Variants in BBX observed in about 807,000 individuals in gnomAD.
The protein encoded by BBX is BBX high mobility group box domain containing.
BBX carries 30 observed loss-of-function variants against 100.2 expected under a neutral mutation model. The observed-to-expected ratio is 0.30, with a 90% CI of 0.22 to 0.41. The LOEUF (loss-of-function observed/expected upper bound fraction) is 0.41. BBX is among the 10% of genes least tolerant of loss of function. The pLI, the probability that BBX is intolerant of heterozygous loss-of-function variation, is 1.00. For missense variants in BBX, 1,023 were observed against 1,129.8 expected (o/e 0.91, Z 1.35); for synonymous variants, 376 against 388.1 (o/e 0.97, Z 0.37).
rs200267232 is a variant in BBX at position 107,628,385 on chromosome 3, TG to T, written c.-83-17450del. On this transcript the variant is annotated intron_variant, in intron 2 of 17. Transcript: ENST00000325805. ...CAAGAGTTTGCTTTTTTTATTGAAATGAAAAAAAAACATATTACCCAATTTT... is the reference window on the plus strand; with the variant it reads ...CAAGAGTTTGCTTTTTTTATTGAAATAAAAAAAAACATATTACCCAATTTT... 1.7e-4 allele frequency among the ~76,000 whole-genome samples: 26 copies of T among 151,300 alleles called. No homozygotes were observed. In the East Asian group the frequency reaches 4.8e-3, roughly 28 times the overall value.
At chr3:107,593,095 C>T (rs1302227205) in intron 2 of BBX, among the ~76,000 whole-genome samples, 3 of 152,164 alleles carry the variant, frequency 2.0e-5, no homozygotes, top group Non-Finnish European at 2.9e-5. Context: ...CAAGGATTGT[C>T]TGCATTTGGC....
At chr3:107,558,110 G>T (rs1185024777) in intron 2 of BBX, among the ~76,000 whole-genome samples, 1 of 152,234 alleles carries the variant, frequency 6.6e-6, no homozygotes, top group African/African-American at 2.4e-5. Context: ...AGGCAAAGAT[G>T]TGGGTTCTGC....
At chr3:107,638,107 A>G (rs2107754292) in intron 2 of BBX, among the ~76,000 whole-genome samples, 1 of 152,294 alleles carries the variant, frequency 6.6e-6, no homozygotes, top group East Asian at 1.9e-4. Flanking sequence ...CTGTACAGGC[A>G]GGTCTCACTG....
At chr3:107,580,773 A>G (rs1354620235) in intron 2 of BBX, among the ~76,000 whole-genome samples, 4 of 152,178 alleles carry the variant, frequency 2.6e-5, no homozygotes, top group Non-Finnish European at 4.4e-5. Context: ...CTGGGATTAC[A>G]GGCATGCACC....
intron 3 of BBX, among the ~76,000 whole-genome samples, chr3:107,664,488 G>A (rs988098533): frequency 1.3e-5 from 2 of 152,164 alleles, no homozygotes; most frequent in African/African-American, 4.8e-5. Context: ...TAGTTTGCCT[G>A]TAAACATCAT....
Position 107,673,799 on chromosome 3 carries a change from A to G in BBX, c.-10+27890A>G, listed in dbSNP as rs75380840. Among the ~76,000 whole-genome samples the G allele has an allele frequency of 7.0e-3, 1,070 of 152,276 alleles. 12 individuals are homozygous for G. Among genetic ancestry groups the G allele is most frequent in the African/African-American group, 0.025 (1,020 of 41,560 alleles). ...TACTACATGTAGAACTATTTTTAAA[A>G]TAAAGAAGCCCACTTGTTAGAAATA... On this transcript the variant is annotated intron_variant, in intron 3 of 17. Transcript: ENST00000325805.
chr3:107,558,850 A>G lies in BBX; in HGVS notation c.-84+32452A>G, dbSNP rs2050272240. On this transcript the variant is annotated intron_variant, in intron 2 of 17. Coordinates refer to ENST00000325805, the MANE Select transcript of BBX (RefSeq NM_001142568.3). ...CAGTAGTCAGAACAACAGTAGCAATAATAGCAGGGGCATAACTGAACAAGG... is the reference window on the plus strand; with the variant it reads ...CAGTAGTCAGAACAACAGTAGCAATGATAGCAGGGGCATAACTGAACAAGG... Among the ~76,000 whole-genome samples, 4 of 152,242 alleles carry G rather than the reference A, an allele frequency of 2.6e-5. No homozygotes were observed. The South Asian group carries it at 8.3e-4, about 32-fold the overall frequency.
intron 2 of BBX, among the ~76,000 whole-genome samples, chr3:107,559,800 T>C (rs140307362): frequency 6.6e-5 from 10 of 152,290 alleles, no homozygotes; most frequent in Non-Finnish European, 1.2e-4. Context: ...TGGAGTGAAG[T>C]GGTATGATCT....
chr3:107,754,522 C>T (rs1274055144), intron 9 of BBX, among the ~76,000 whole-genome samples: 3 of 152,086 alleles, frequency 2.0e-5, no homozygotes, highest in African/African-American at 7.2e-5. Flanking sequence ...CTAGGTAGGC[C>T]ATTATTAAAT....
chr3:107,537,880 A>G (rs1418516006), intron 2 of BBX, among the ~76,000 whole-genome samples: 1 of 152,250 alleles, frequency 6.6e-6, no homozygotes, highest in African/African-American at 2.4e-5. Flanking sequence ...AAATACATTC[A>G]TATGTGAAAT....
At chr3:107,765,059 C>T (rs1019437429) in intron 10 of BBX, among the ~76,000 whole-genome samples, 1 of 152,254 alleles carries the variant, frequency 6.6e-6, no homozygotes, top group Non-Finnish European at 1.5e-5. Flanking sequence ...AATATTTTTC[C>T]TCCAATGATA....
At chr3:107,603,795 A>G (rs2054236026) in intron 2 of BBX, among the ~76,000 whole-genome samples, 1 of 152,222 alleles carries the variant, frequency 6.6e-6, no homozygotes, top group East Asian at 1.9e-4. Flanking sequence ...AAAGGGTATG[A>G]CTCACTGATG....
chr3:107,607,459 G>T (rs1327738846), intron 2 of BBX, among the ~76,000 whole-genome samples: 1 of 152,146 alleles, frequency 6.6e-6, no homozygotes, highest in Non-Finnish European at 1.5e-5. Context: ...TTCATCTGTT[G>T]ATGGACACTT....
intron 10 of BBX, among the ~76,000 whole-genome samples, chr3:107,766,893 A>G (rs1488090005): frequency 6.6e-6 from 1 of 152,230 alleles, no homozygotes; most frequent in African/African-American, 2.4e-5. Context: ...GAATGAGTTC[A>G]TGTCCTTTGC....
intron 2 of BBX, among the ~76,000 whole-genome samples, chr3:107,600,229 A>G (rs1375892631): frequency 6.6e-6 from 1 of 152,242 alleles, no homozygotes; most frequent in South Asian, 2.1e-4. Context: ...GTAGTCAGAG[A>G]AAAGTATTAA....
At chr3:107,704,814 A>G (rs892689955) in intron 3 of BBX, among the ~76,000 whole-genome samples, 1 of 152,164 alleles carries the variant, frequency 6.6e-6, no homozygotes, top group African/African-American at 2.4e-5. Context: ...AAACACTATG[A>G]TAAGTGCTTG....
At chr3:107,731,743 T>G (rs2063329103) in intron 6 of BBX, among the ~76,000 whole-genome samples, 1 of 151,966 alleles carries the variant, frequency 6.6e-6, no homozygotes, top group Non-Finnish European at 1.5e-5. Flanking sequence ...TAACATATAG[T>G]CAAAGTTGCT....
At chr3:107,612,297 C>T (rs2054899329) in intron 2 of BBX, among the ~76,000 whole-genome samples, 1 of 152,022 alleles carries the variant, frequency 6.6e-6, no homozygotes, top group South Asian at 2.1e-4. Flanking sequence ...TGTGGATGTT[C>T]ATTGGTGTTT....
chr3:107,548,323 C>G (rs1576261205), intron 2 of BBX, among the ~76,000 whole-genome samples: 1 of 152,094 alleles, frequency 6.6e-6, no homozygotes, highest in Non-Finnish European at 1.5e-5. Context: ...ACACTTTTGC[C>G]TTTTTCGTTA....
Sources: gnomAD v4.1 joint callset for allele counts (sites outside exome capture counted in the v4.1 genomes callset) on GRCh38, gnomAD v4.1.1 for gene constraint, MANE v1.5 for transcripts, NCBI Gene and HGNC (gene_info 2026-07-23, HGNC 2026-07-21) for gene names.